BMP2K: variants seen among roughly 807,000 people sequenced by gnomAD.
BMP2K encodes BMP-2-inducible protein kinase.
Under a neutral mutation model 116.0 loss-of-function variants are expected in BMP2K, and 74 were observed. That is an observed-to-expected ratio of 0.64 (90% CI 0.53 to 0.77). The LOEUF is 0.77. Ranked by LOEUF, BMP2K falls within the 30% of genes least tolerant of loss-of-function variation. The probability of loss-of-function intolerance (pLI) is 0.00; values close to 1 mark genes in which losing one functional copy is unlikely to be tolerated. For missense variants in BMP2K, 1,365 were observed against 1,403.6 expected (o/e 0.97, Z 0.44); for synonymous variants, 486 against 502.5 (o/e 0.97, Z 0.44).
intron 9 of BMP2K, among the ~76,000 whole-genome samples, chr4:78,862,770 T>G (rs1731857124): frequency 6.6e-6 from 1 of 152,136 alleles, no homozygotes; most frequent in South Asian, 2.1e-4. Flanking sequence ...ACTTTAAAAA[T>G]ATCTTCATTC....
chr4:78,818,926 T>A (rs1049218367), intron 1 of BMP2K, among the ~76,000 whole-genome samples: 2 of 151,902 alleles, frequency 1.3e-5, no homozygotes, highest in Non-Finnish European at 2.9e-5. Flanking sequence ...CCTCCTGAGT[T>A]GTTGGGATTA....
chr4:78,873,838 C>T (rs142039811), intron 13 of BMP2K, among the ~76,000 whole-genome samples: 17 of 152,112 alleles, frequency 1.1e-4, no homozygotes, highest in Middle Eastern at 3.4e-3. Context: ...TGAATTAGGA[C>T]AATTTTGTCT....
At position 78,885,810 on chromosome 4, in the gene BMP2K, A is replaced by G. The variant is rs575117718; in HGVS notation, c.1952-1364A>G. On this transcript the variant is annotated intron_variant, in intron 14 of 15. Transcript: ENST00000502613. Reference sequence around the variant, plus strand: ...GAATCAGAGGCTAGAGAGACATCCTACAAAAATCAGGAAGTTCTCAACTAG... The same window carrying G: ...GAATCAGAGGCTAGAGAGACATCCTGCAAAAATCAGGAAGTTCTCAACTAG... Among the ~76,000 whole-genome samples, 19 of 152,290 alleles carry G rather than the reference A, an allele frequency of 1.2e-4. No individual in the cohort carries two copies. The South Asian group carries it at 2.5e-3, about 20-fold the overall frequency.
chr4:78,861,567 C>A, intron 9 of BMP2K, 99 bp downstream of exon 9: 1 of 973,780 alleles, frequency 1.0e-6, no homozygotes, highest in Non-Finnish European at 1.6e-6. Context: ...CATCTTCATC[C>A]ACAAAGAATG....
rs1461812086 is a variant in BMP2K at position 78,847,449 on chromosome 4, G to T, written c.750+180G>T. Among the ~76,000 whole-genome samples, 4 of 151,698 alleles carry T rather than the reference G, an allele frequency of 2.6e-5. No individual in the cohort carries two copies. In the Admixed American group the frequency reaches 2.6e-4, roughly 10 times the overall value. The stretch of plus-strand genomic sequence containing the variant: ...GAACATTTTATCTTCTCAATCCTGA[G>T]ATGGAAAGCTTATGTATCAAAAAGC... On this transcript the variant is annotated intron_variant, in intron 6 of 15. Transcript: ENST00000502613.
At chr4:78,826,016 A>T (rs1330481668) in intron 1 of BMP2K, 21 bp from the exon 2 acceptor site, 2 of 1,555,988 alleles carry the variant, frequency 1.3e-6, no homozygotes, top group Admixed American at 3.5e-5. Flanking sequence ...TTTTAAATTA[A>T]TTGGTGCTTT....
At chr4:78,870,719 T>A in intron 10 of BMP2K, 64 bp from the exon 11 acceptor site, 1 of 1,538,102 alleles carries the variant, frequency 6.5e-7, no homozygotes, top group Non-Finnish European at 8.7e-7. Flanking sequence ...ATGAGCATGT[T>A]GAAATCCAGC....
intron 1 of BMP2K, among the ~76,000 whole-genome samples, chr4:78,804,748 C>A (rs1200608863): frequency 7.5e-6 from 1 of 133,832 alleles, no homozygotes; most frequent in African/African-American, 2.8e-5. Flanking sequence ...GGACAAATTT[C>A]TATTCTGCTT....
In BMP2K at chr4:78,891,786, G is replaced by T. The variant is rs188444840; in HGVS notation, c.2062+4502G>T. Among the ~76,000 whole-genome samples, 393 of 152,232 alleles carry T rather than the reference G, an allele frequency of 2.6e-3. 1 individual carries two copies. Among genetic ancestry groups the T allele is most frequent in the Non-Finnish European group, 4.4e-3 (302 of 67,992 alleles). On this transcript the variant is annotated intron_variant, in intron 15 of 15. Coordinates refer to ENST00000502613, the MANE Select transcript of BMP2K (RefSeq NM_198892.2). Reference sequence around the variant, plus strand: ...GTAAATTATTTTCTTCCCAGAGAAGGTAGCCTTAAACTGAGACCTGAAGGA... The same window carrying T: ...GTAAATTATTTTCTTCCCAGAGAAGTTAGCCTTAAACTGAGACCTGAAGGA...
intron 1 of BMP2K, among the ~76,000 whole-genome samples, chr4:78,814,497 C>A (rs1729236312): frequency 6.6e-6 from 1 of 152,210 alleles, no homozygotes; most frequent in Non-Finnish European, 1.5e-5. Flanking sequence ...GGGGCAGTTT[C>A]CTCTGTGCTG....
chr4:78,815,818 T>C (rs972760403), intron 1 of BMP2K, among the ~76,000 whole-genome samples: 2 of 152,186 alleles, frequency 1.3e-5, no homozygotes, highest in African/African-American at 4.8e-5. Flanking sequence ...ATATGGACTT[T>C]TAGGATATAC....
At chr4:78,909,881 A>C (rs1734490960) in intron 15 of BMP2K, among the ~76,000 whole-genome samples, 1 of 152,226 alleles carries the variant, frequency 6.6e-6, no homozygotes, top group Admixed American at 6.5e-5. Flanking sequence ...TCTTTCGTTG[A>C]ATGAACTCAG....
intron 1 of BMP2K, among the ~76,000 whole-genome samples, chr4:78,825,148 G>C (rs1197711540): frequency 6.6e-6 from 1 of 152,194 alleles, no homozygotes; most frequent in Non-Finnish European, 1.5e-5. Flanking sequence ...AGGTTGCGGT[G>C]AGCCGAGATT....
intron 1 of BMP2K, among the ~76,000 whole-genome samples, chr4:78,797,070 C>T (rs1728330385): frequency 6.6e-6 from 1 of 152,156 alleles, no homozygotes; most frequent in Admixed American, 6.5e-5. Flanking sequence ...TACCTCTGGC[C>T]TGTTTTAAAT....
At chr4:78,812,054 A>G (rs528611639) in intron 1 of BMP2K, among the ~76,000 whole-genome samples, 1 of 152,024 alleles carries the variant, frequency 6.6e-6, no homozygotes, top group Non-Finnish European at 1.5e-5. Context: ...GCTTACTGCA[A>G]CCTCCATCTC....
intron 9 of BMP2K, among the ~76,000 whole-genome samples, chr4:78,862,017 AT>A (rs1023607530): frequency 8.6e-5 from 13 of 151,860 alleles, no homozygotes; most frequent in East Asian, 7.7e-4. Flanking sequence ...TTAATGATTG[AT>A]TTTTCCCCCC....
chr4:78,780,103 A>G (rs767291264), intron 1 of BMP2K, among the ~76,000 whole-genome samples: 6 of 152,238 alleles, frequency 3.9e-5, no homozygotes, highest in Non-Finnish European at 8.8e-5. Flanking sequence ...GACCACATGC[A>G]TCACCATAAC....
intron 15 of BMP2K, among the ~76,000 whole-genome samples, chr4:78,892,096 T>C (rs1158512430): frequency 6.6e-6 from 1 of 152,226 alleles, no homozygotes; most frequent in Non-Finnish European, 1.5e-5. Flanking sequence ...TTCAGAGTTA[T>C]GTTGGTCTCG....
In BMP2K at chr4:78,776,396, C is replaced by A; in HGVS notation, c.-148C>A. 1.2e-6 allele frequency: 1 copy of A among 812,670 alleles called. No homozygotes were observed. Among genetic ancestry groups the A allele is most frequent in the Non-Finnish European group, 1.5e-6 (1 of 650,388 alleles). 50.3% of individuals were successfully genotyped at this position (812,670 alleles called of 1,614,324 possible). The stretch of plus-strand genomic sequence containing the variant: ...CGGGCGGCGGGGCCCAGGCTGTGCG[C>A]TTGGGGAGCGCGGAATGTGAGGCTT... On this transcript the variant is annotated 5_prime_UTR_variant, in exon 1 of 16. Transcript: ENST00000502613.
Sources: allele counts gnomAD v4.1 joint callset (sites outside exome capture counted in the v4.1 genomes callset), GRCh38; gene constraint gnomAD v4.1.1; transcripts MANE v1.5; gene names NCBI Gene and HGNC (gene_info 2026-07-23, HGNC 2026-07-21).